The following SKI variants were observed in gnomAD, a reference collection of about 807,000 sequenced individuals.
The protein encoded by SKI is ski oncogene.
Under a neutral mutation model 59.3 loss-of-function variants are expected in SKI, and 23 were observed. That is an observed-to-expected ratio of 0.39 (90% CI 0.28 to 0.55). The LOEUF (loss-of-function observed/expected upper bound fraction) is 0.55. Among genes scored for constraint, SKI ranks in the 20% least tolerant of loss-of-function variants. The pLI, the probability that SKI is intolerant of heterozygous loss-of-function variation, is 0.67. For synonymous variants in SKI, 673 were observed against 488.6 expected (o/e 1.38, Z -4.98); for missense variants, 1,017 against 1,038.9 (o/e 0.98, Z 0.29).
At chr1:2,304,223 G>C in intron 4 of SKI, 70 bp from the exon 5 acceptor site, 1 of 1,554,870 alleles carries the variant, frequency 6.4e-7, no homozygotes, top group Middle Eastern at 1.7e-4. Context: ...CTCCGGGAGC[G>C]GCGCGTCTCC....
chr1:2,289,269 A>T (rs1325778298), intron 1 of SKI, among the ~76,000 whole-genome samples: 1 of 151,956 alleles, frequency 6.6e-6, no homozygotes, highest in Non-Finnish European at 1.5e-5. Flanking sequence ...CTCTGTCAGG[A>T]CTTGACACCT....
At chr1:2,284,173 C>T (rs529036049) in intron 1 of SKI, among the ~76,000 whole-genome samples, 144 of 152,236 alleles carry the variant, frequency 9.5e-4, no homozygotes, top group African/African-American at 3.1e-3. Flanking sequence ...CCCCAGAGGC[C>T]GGCCCTGGGG....
intron 1 of SKI, among the ~76,000 whole-genome samples, chr1:2,276,854 C>G (rs1055910981): frequency 1.1e-4 from 17 of 152,220 alleles, no homozygotes; most frequent in Non-Finnish European, 4.4e-5. Context: ...AGGAACGCCT[C>G]TGTTGAGGTT....
rs1639253999 is a variant in SKI at position 2,255,492 on chromosome 1, C to T, written c.969+25757C>T. On this transcript the variant is annotated intron_variant, in intron 1 of 6. Coordinates refer to ENST00000378536, the MANE Select transcript of SKI (RefSeq NM_003036.4). ...CTGTCTGGAACACACTGTGTCCTGA[C>T]CTCATTTCCTGCCTGGAGCTCTCTG... 2.6e-5 allele frequency among the ~76,000 whole-genome samples: 4 copies of T among 152,058 alleles called. No individual in the cohort carries two copies. The South Asian group carries it at 8.3e-4, about 32-fold the overall frequency.
At chr1:2,271,541 TC>T (rs1639620140) in intron 1 of SKI, among the ~76,000 whole-genome samples, 1 of 152,112 alleles carries the variant, frequency 6.6e-6, no homozygotes. Context: ...CCGGCTGCCC[TC>T]GGCAGGGGCT....
chr1:2,243,280 G>A (rs912744511), intron 1 of SKI, among the ~76,000 whole-genome samples: 1 of 152,266 alleles, frequency 6.6e-6, no homozygotes, highest in African/African-American at 2.4e-5. Context: ...CCATGTGCTG[G>A]CTGCACGAGA....
chr1:2,262,691 T>G (rs1639414609), intron 1 of SKI, among the ~76,000 whole-genome samples: 1 of 152,150 alleles, frequency 6.6e-6, no homozygotes, highest in East Asian at 1.9e-4. Context: ...CGGTTCCTAG[T>G]TTGATCAGGA....
chr1:2,278,862 T>TG (rs1639804768), intron 1 of SKI, among the ~76,000 whole-genome samples: 1 of 152,100 alleles, frequency 6.6e-6, no homozygotes, highest in Non-Finnish European at 1.5e-5. Context: ...CAGGTGGTGG[T>TG]GGGGGGTGTT....
chr1:2,271,957 G>A (rs1019199887), intron 1 of SKI, among the ~76,000 whole-genome samples: 9 of 152,148 alleles, frequency 5.9e-5, no homozygotes, highest in Non-Finnish European at 1.2e-4. Flanking sequence ...GAGACACTCC[G>A]GGCCACTGGC....
chr1:2,236,801 A>G (rs944435778), intron 1 of SKI, among the ~76,000 whole-genome samples: 3 of 152,118 alleles, frequency 2.0e-5, no homozygotes, highest in African/African-American at 7.2e-5. Context: ...TTGCTGGAAT[A>G]TTATTACCCT....
chr1:2,243,136 G>C (rs1023083688), intron 1 of SKI, among the ~76,000 whole-genome samples: 1 of 152,260 alleles, frequency 6.6e-6, no homozygotes, highest in Non-Finnish European at 1.5e-5. Flanking sequence ...GGCCAGCCCT[G>C]TGGTATTTTG....
At chr1:2,254,771 T>C (rs566836454) in intron 1 of SKI, among the ~76,000 whole-genome samples, 1 of 152,208 alleles carries the variant, frequency 6.6e-6, no homozygotes, top group South Asian at 2.1e-4. Flanking sequence ...CATTTGCTGG[T>C]GGAATAGCAC....
At chr1:2,251,724 C>T (rs914913759) in intron 1 of SKI, among the ~76,000 whole-genome samples, 1 of 152,248 alleles carries the variant, frequency 6.6e-6, no homozygotes, top group Non-Finnish European at 1.5e-5. Context: ...TCACAGGTCT[C>T]AGCTGTGAAA....
intron 1 of SKI, among the ~76,000 whole-genome samples, chr1:2,285,374 G>A (rs1410420205): frequency 6.6e-6 from 1 of 151,898 alleles, no homozygotes; most frequent in Non-Finnish European, 1.5e-5. Flanking sequence ...AATTAGCTGA[G>A]CGTGGTGGCG....
intron 1 of SKI, among the ~76,000 whole-genome samples, chr1:2,294,507 G>A (rs530240099): frequency 7.9e-5 from 12 of 152,334 alleles, no homozygotes; most frequent in Middle Eastern, 3.4e-3. Context: ...AGAAGACCAC[G>A]TCGTGCCGTT....
At chr1:2,276,829 G>A (rs918712887) in intron 1 of SKI, among the ~76,000 whole-genome samples, 6 of 152,168 alleles carry the variant, frequency 3.9e-5, no homozygotes, top group Admixed American at 2.6e-4. Context: ...TCATAGCTCC[G>A]TTCCTGACAT....
Position 2,251,102 on chromosome 1 carries a change from C to T in SKI, c.969+21367C>T, listed in dbSNP as rs576858688. Among the ~76,000 whole-genome samples the T allele has an allele frequency of 4.6e-5, 7 of 152,294 alleles. No homozygotes were observed. In the South Asian group the frequency reaches 6.2e-4, roughly 14 times the overall value. The stretch of plus-strand genomic sequence containing the variant: ...AGGGATGGGGACGTGGGGCACTGAC[C>T]GCACTCTTGGCCACTGCTGCTGCTG... On this transcript the variant is annotated intron_variant, in intron 1 of 6. Coordinates refer to ENST00000378536, the MANE Select transcript of SKI (RefSeq NM_003036.4).
At chr1:2,271,492 C>T (rs558583614) in intron 1 of SKI, among the ~76,000 whole-genome samples, 5 of 152,278 alleles carry the variant, frequency 3.3e-5, no homozygotes, top group South Asian at 4.1e-4. Flanking sequence ...TCCAGCGTGG[C>T]GATTAAGCGC....
chr1:2,241,303 A>G (rs1442254363), intron 1 of SKI, among the ~76,000 whole-genome samples: 2 of 152,216 alleles, frequency 1.3e-5, no homozygotes, highest in African/African-American at 2.4e-5. Context: ...GATTAGCTCA[A>G]TGCACCCCAT....
Sources: allele counts gnomAD v4.1 joint callset (sites outside exome capture counted in the v4.1 genomes callset), GRCh38; gene constraint gnomAD v4.1.1; transcripts MANE v1.5; gene names NCBI Gene and HGNC (gene_info 2026-07-23, HGNC 2026-07-21).